The following PCDH15 variants were observed in gnomAD, a reference collection of about 807,000 sequenced individuals.
The protein encoded by PCDH15 is protocadherin-15.
Under a neutral mutation model 178.5 loss-of-function variants are expected in PCDH15, and 129 were observed. That is an observed-to-expected ratio of 0.72 (90% CI 0.63 to 0.84). The LOEUF is 0.84. PCDH15 is among the 40% of genes least tolerant of loss of function. The pLI, the probability that PCDH15 is intolerant of heterozygous loss-of-function variation, is 0.00. For missense variants in PCDH15, 2,230 were observed against 2,099.9 expected, an observed-to-expected ratio of 1.06 and a Z score of -1.21; for synonymous variants, 800 against 732.0, an observed-to-expected ratio of 1.09 and a Z score of -1.50.
At chr10:53,857,360 C>A (rs890684925) in intron 27 of PCDH15, 97 bp from the exon 28 acceptor site, 32 of 852,244 alleles carry the variant, frequency 3.8e-5, no homozygotes, top group Non-Finnish European at 6.2e-5. Context: ...TATGCATAGA[C>A]ACAGTGGTTT....
rs115826444 is a variant in PCDH15 at position 54,385,181 on chromosome 10, A to G, written c.158-6239T>C. On this transcript the variant is annotated intron_variant, in intron 3 of 37. Coordinates refer to ENST00000644397, the MANE Select transcript of PCDH15 (RefSeq NM_001384140.1). ...TTCCATAGATAAATTTGTACAATAGAAAATGTGGTTTTTTAGTACCTCTAG... is the reference window on the plus strand; with the variant it reads ...TTCCATAGATAAATTTGTACAATAGGAAATGTGGTTTTTTAGTACCTCTAG... Among the ~76,000 whole-genome samples, 721 of 152,232 alleles carry G rather than the reference A, an allele frequency of 4.7e-3. 5 individuals are homozygous for G. The highest frequency in any genetic ancestry group is 0.016 in the African/African-American group (679 of 41,556).
intron 2 of PCDH15, among the ~76,000 whole-genome samples, chr10:54,570,819 T>A (rs374414897): frequency 1.4e-3 from 32 of 23,334 alleles, no homozygotes; most frequent in South Asian, 7.1e-3. Context: ...GCCTGGCTAT[T>A]TTTTTTTTTC....
chr10:54,088,675 T>C (rs1385802258), intron 16 of PCDH15, among the ~76,000 whole-genome samples: 4 of 152,210 alleles, frequency 2.6e-5, no homozygotes. Context: ...AATGCAGTTT[T>C]ATCTCATATA....
At chr10:55,549,123 T>C (rs933403373) in intron 2 of PCDH15, among the ~76,000 whole-genome samples, 6 of 152,168 alleles carry the variant, frequency 3.9e-5, no homozygotes, top group African/African-American at 7.2e-5. Flanking sequence ...TACTGAAGAA[T>C]TGACATATCT....
chr10:54,029,233 C>G lies in PCDH15; in HGVS notation c.2221-6036G>C, dbSNP rs187758894. ...TTATTATCAGCAGTACTGTCAAGAACTTTGCATTGATGTTTAATATTTAGT... is the reference window on the plus strand; with the variant it reads ...TTATTATCAGCAGTACTGTCAAGAAGTTTGCATTGATGTTTAATATTTAGT... On this transcript the variant is annotated intron_variant, in intron 18 of 37. Coordinates refer to ENST00000644397, the MANE Select transcript of PCDH15 (RefSeq NM_001384140.1). Among the ~76,000 whole-genome samples, 7 of 152,226 alleles carry G rather than the reference C, an allele frequency of 4.6e-5. 1 individual carries two copies. The highest frequency in any genetic ancestry group is 1.7e-4 in the African/African-American group (7 of 41,536).
At chr10:55,520,184 GTA>G (rs1209751841) in intron 2 of PCDH15, among the ~76,000 whole-genome samples, 2 of 54,514 alleles carry the variant, frequency 3.7e-5, no homozygotes, top group African/African-American at 8.3e-5. Flanking sequence ...CACGCAATGT[GTA>G]TATATATATA....
chr10:54,362,782 A>G (rs895932406), intron 5 of PCDH15, among the ~76,000 whole-genome samples: 2 of 152,134 alleles, frequency 1.3e-5, no homozygotes, highest in African/African-American at 2.4e-5. Context: ...CTCAAGTGGC[A>G]TGACAGTCAT....
At chr10:55,556,479 CA>C (rs1280724958) in intron 2 of PCDH15, among the ~76,000 whole-genome samples, 3 of 152,132 alleles carry the variant, frequency 2.0e-5, no homozygotes, top group African/African-American at 7.2e-5. Context: ...TGCTTTTCCC[CA>C]AAACTTGCAA....
intron 1 of PCDH15, among the ~76,000 whole-genome samples, chr10:55,232,419 T>C (rs574145958): frequency 6.6e-6 from 1 of 152,202 alleles, no homozygotes; most frequent in Non-Finnish European, 1.5e-5. Flanking sequence ...GCATACAGAA[T>C]AATATAATGT....
At chr10:55,041,712 A>G (rs942641877) in intron 2 of PCDH15, among the ~76,000 whole-genome samples, 1 of 152,170 alleles carries the variant, frequency 6.6e-6, no homozygotes, top group African/African-American at 2.4e-5. Context: ...CCATCTTCTT[A>G]TTCAAGAATA....
intron 18 of PCDH15, among the ~76,000 whole-genome samples, chr10:54,052,888 C>T (rs904539622): frequency 3.9e-5 from 6 of 152,100 alleles, no homozygotes; most frequent in Admixed American, 6.6e-5. Flanking sequence ...CATGATACTA[C>T]GTTTTCACAA....
At chr10:55,281,992 G>T (rs927356128) in intron 1 of PCDH15, among the ~76,000 whole-genome samples, 1 of 152,130 alleles carries the variant, frequency 6.6e-6, no homozygotes, top group Non-Finnish European at 1.5e-5. Flanking sequence ...CTGGACTAAT[G>T]AAATAGCTTC....
At chr10:54,846,141 A>G (rs1291541323) in intron 3 of PCDH15, among the ~76,000 whole-genome samples, 1 of 152,148 alleles carries the variant, frequency 6.6e-6, no homozygotes, top group Non-Finnish European at 1.5e-5. Flanking sequence ...TATTGCTGCT[A>G]TGTAACTGCA....
At chr10:54,768,326 A>G (rs1377605669) in intron 1 of PCDH15, among the ~76,000 whole-genome samples, 2 of 152,144 alleles carry the variant, frequency 1.3e-5, no homozygotes, top group African/African-American at 4.8e-5. Flanking sequence ...GAAATGAATG[A>G]ACAGGACTAC....
At chr10:55,266,317 C>T (rs1192149818) in intron 1 of PCDH15, among the ~76,000 whole-genome samples, 5 of 152,220 alleles carry the variant, frequency 3.3e-5, no homozygotes, top group Middle Eastern at 3.4e-3. Context: ...TGGGAGGAAT[C>T]TCACTGCTGT....
chr10:53,874,462 G>T (rs2080085958), intron 26 of PCDH15, among the ~76,000 whole-genome samples: 1 of 152,058 alleles, frequency 6.6e-6, no homozygotes, highest in Admixed American at 6.6e-5. Flanking sequence ...CCACCAGTTT[G>T]CCCAACTCAA....
At chr10:55,023,751 A>C (rs2131957662) in intron 2 of PCDH15, among the ~76,000 whole-genome samples, 1 of 98,908 alleles carries the variant, frequency 1.0e-5, no homozygotes, top group African/African-American at 3.4e-5. Flanking sequence ...CAAATATCCT[A>C]TATTTGTGTC....
At chr10:53,871,421 T>G (rs73238497) in intron 26 of PCDH15, among the ~76,000 whole-genome samples, 1,846 of 150,934 alleles carry the variant, frequency 0.012, 30 homozygotes, top group African/African-American at 0.042. Context: ...TGCCCAAAAA[T>G]AGTATTTTAA....
At chr10:54,841,269 G>A (rs1953412628) in intron 3 of PCDH15, among the ~76,000 whole-genome samples, 1 of 151,656 alleles carries the variant, frequency 6.6e-6, no homozygotes, top group Non-Finnish European at 1.5e-5. Context: ...GAGGAAAACT[G>A]GAAAATTCGC....
Sources: allele counts gnomAD v4.1 joint callset (sites outside exome capture counted in the v4.1 genomes callset), GRCh38; gene constraint gnomAD v4.1.1; transcripts MANE v1.5; gene names NCBI Gene and HGNC (gene_info 2026-07-23, HGNC 2026-07-21).